The following PCDHGA5 variants were observed in gnomAD, a reference collection of about 807,000 sequenced individuals.
The protein encoded by PCDHGA5 is protocadherin gamma-A5.
Under a neutral mutation model 56.7 loss-of-function variants are expected in PCDHGA5, and 36 were observed. The observed-to-expected ratio is 0.64, with a 90% CI of 0.49 to 0.84. The LOEUF (loss-of-function observed/expected upper bound fraction) is 0.84, where lower values mean the gene tolerates loss of function less well. Among genes scored for constraint, PCDHGA5 ranks in the 40% least tolerant of loss-of-function variants. The pLI, the probability that PCDHGA5 is intolerant of heterozygous loss-of-function variation, is 0.00. For synonymous variants in PCDHGA5, 563 were observed against 520.2 expected (o/e 1.08, Z -1.12); for missense variants, 1,305 against 1,201.5 (o/e 1.09, Z -1.27).
At chr5:141,437,741 C>CT (rs35124340) in intron 1 of PCDHGA5, among the ~76,000 whole-genome samples, 18,734 of 141,656 alleles carry the variant, frequency 0.13, 1,459 homozygotes, top group African/African-American at 0.22. Context: ...TTGAGTTCAC[C>CT]TTTTTTTTTT....
intron 1 of PCDHGA5, chr5:141,417,772 C>G: frequency 6.9e-7 from 1 of 1,456,320 alleles, no homozygotes; most frequent in East Asian, 2.5e-5. Context: ...GGGACTCCTC[C>G]TGTCCTGGGC....
chr5:141,472,980 CAA>C (rs60579131), intron 1 of PCDHGA5, among the ~76,000 whole-genome samples: 879 of 86,072 alleles, frequency 0.01, 5 homozygotes, highest in African/African-American at 0.015. Context: ...GAGTGAAACT[CAA>C]AAAAAAAAAA....
chr5:141,409,292 A>G, intron 1 of PCDHGA5: 1 of 1,614,012 alleles, frequency 6.2e-7, no homozygotes, highest in Admixed American at 1.7e-5. Flanking sequence ...ACCTCCAGGA[A>G]TGGTTGTTGC....
chr5:141,370,845 A>T, intron 1 of PCDHGA5: 1 of 1,614,066 alleles, frequency 6.2e-7, no homozygotes, highest in South Asian at 1.1e-5. Flanking sequence ...CACTGGAGCC[A>T]CATTTGCCCT....
chr5:141,388,402 G>C, intron 1 of PCDHGA5: 1 of 1,613,972 alleles, frequency 6.2e-7, no homozygotes, highest in Non-Finnish European at 8.5e-7. Context: ...TACCAACTCA[G>C]TCCCAGTGAT....
intron 1 of PCDHGA5, chr5:141,421,232 C>G (rs748347420): frequency 1.3e-6 from 2 of 1,590,370 alleles, no homozygotes; most frequent in Non-Finnish European, 1.7e-6. Context: ...CCTGCCATGG[C>G]GAATCGGCTA....
chr5:141,477,037 G>A lies in PCDHGA5; in HGVS notation c.2422-17770G>A. ...TTGTAACCGGGATGCTGACAATCAAGGGTCGGCTGGACTTCGAGGACACCA... is the reference window on the plus strand; with the variant it reads ...TTGTAACCGGGATGCTGACAATCAAAGGTCGGCTGGACTTCGAGGACACCA... On this transcript the variant is annotated intron_variant, in intron 1 of 3. Coordinates refer to ENST00000518069, the MANE Select transcript of PCDHGA5 (RefSeq NM_018918.3). This position sits in a 1 kb window ranked among gnomAD's most constrained non-coding sequence, Gnocchi z 4.9. 6.2e-7 allele frequency: 1 copy of A among 1,614,266 alleles called. No individual in the cohort carries two copies. The highest frequency in any genetic ancestry group is 8.5e-7 in the Non-Finnish European group (1 of 1,180,052).
rs1764404234 is a variant in PCDHGA5 at position 141,366,203 on chromosome 5, G to A, written c.1873G>A (p.Glu625Lys). The part of the protein sequence containing the change: ...GLFAVGLHTG[E>K]VRTARALLDR... ...CTTTGCGGTTGGGCTGCACACGGGC[G>A]AGGTGCGCACAGCGCGAGCCCTGCT... The change falls in exon 1 of 4, where the codon GAG becomes AAG. Residue 625 changes from glutamate (E) to lysine (K), a missense_variant. Transcript: ENST00000518069. The A allele has an allele frequency of 3.7e-6, 6 of 1,613,862 alleles. No individual in the cohort carries two copies. The highest frequency in any genetic ancestry group is 4.5e-5 in the East Asian group (2 of 44,888).
chr5:141,376,675 C>CTT, intron 1 of PCDHGA5: 16 of 345,018 alleles, frequency 4.6e-5, no homozygotes, highest in Non-Finnish European at 6.4e-5. Context: ...GTGAGGGTAT[C>CTT]GTTTTTTTTT....
chr5:141,372,087 C>G, intron 1 of PCDHGA5: 2 of 1,613,740 alleles, frequency 1.2e-6, no homozygotes, highest in Non-Finnish European at 1.7e-6. Flanking sequence ...GGTGCTGTAC[C>G]CAGCTCTGGG....
intron 1 of PCDHGA5, among the ~76,000 whole-genome samples, chr5:141,464,265 AAAAAAAAAAAAAGC>A (rs1446781862): frequency 7.4e-6 from 1 of 135,276 alleles, no homozygotes; most frequent in Non-Finnish European, 1.6e-5. Flanking sequence ...ACTCCGTCTA[AAAAAAAAAAAAAGC>A]AAAAAAAAAA....
chr5:141,485,093 T>C lies in PCDHGA5; in HGVS notation c.2422-9714T>C. 1 of 1,076,296 alleles carries C rather than the reference T, an allele frequency of 9.3e-7. No homozygotes were observed. Among genetic ancestry groups the C allele is most frequent in the Non-Finnish European group, 1.4e-6 (1 of 718,118 alleles). 66.7% of individuals were successfully genotyped at this position (1,076,296 alleles called of 1,614,324 possible). ...TGGCGCGGGGAAAGGGAGATAGGTG[T>C]CTCCAGCTGCTGTGGCTGTTTGGGG... On this transcript the variant is annotated intron_variant, in intron 1 of 3. Coordinates refer to ENST00000518069, the MANE Select transcript of PCDHGA5 (RefSeq NM_018918.3). The surrounding 1 kb of genome is among the most constrained non-coding windows in gnomAD (Gnocchi z 5.7).
In PCDHGA5 at chr5:141,364,596, G is replaced by C. The variant is rs1763432941; in HGVS notation, c.266G>C (p.Arg89Thr). Residue 89 changes from arginine to threonine, a missense_variant, in exon 1 of 4, where the codon AGG becomes ACG. Arg to Thr is a moderately conservative substitution (Grantham distance 71). Transcript: ENST00000518069. Reference protein sequence around the residue: ...PRSGSLVTAGRIDREELCAQS... With the variant: ...PRSGSLVTAGTIDREELCAQS... ...AGCGGCAGCTTGGTCACCGCGGGCA[G>C]GATAGACCGGGAGGAGCTCTGCGCT... 6.2e-7 allele frequency: 1 copy of C among 1,614,090 alleles called. No homozygotes were observed. The highest frequency in any genetic ancestry group is 8.5e-7 in the Non-Finnish European group (1 of 1,180,016).
chr5:141,399,867 C>T (rs766258677), intron 1 of PCDHGA5: 17 of 1,612,738 alleles, frequency 1.1e-5, no homozygotes, highest in South Asian at 3.3e-5. Context: ...CTGCAGAGCC[C>T]GGCTACCTGG....
chr5:141,414,421 A>AGGGAACAG (rs1486483287), intron 1 of PCDHGA5: 1 of 1,613,776 alleles, frequency 6.2e-7, no homozygotes, highest in Non-Finnish European at 8.5e-7. Context: ...AGCCCTTGAC[A>AGGGAACAG]GGGAACAGGT....
intron 1 of PCDHGA5, chr5:141,400,772 G>T: frequency 1.8e-6 from 1 of 570,264 alleles, no homozygotes. Context: ...AAAACATTTG[G>T]TGCGTTTTTT....
intron 1 of PCDHGA5, among the ~76,000 whole-genome samples, chr5:141,464,193 A>C (rs991769179): frequency 1.3e-5 from 2 of 149,674 alleles, no homozygotes; most frequent in Non-Finnish European, 3.0e-5. Flanking sequence ...TGATTTCAGG[A>C]GGCGGAGATT....
In PCDHGA5 at chr5:141,454,516, C is replaced by T. The variant is rs375583922; in HGVS notation, c.2422-40291C>T. On this transcript the variant is annotated intron_variant, in intron 1 of 3. Coordinates refer to ENST00000518069, the MANE Select transcript of PCDHGA5 (RefSeq NM_018918.3). Reference sequence around the variant, plus strand: ...CCACCTCCTGGATTCAGGCAGTTCTCCTGCCTCAGCCTCCCAAGTAGCTGA... The same window carrying T: ...CCACCTCCTGGATTCAGGCAGTTCTTCTGCCTCAGCCTCCCAAGTAGCTGA... Among the ~76,000 whole-genome samples the T allele has an allele frequency of 1.2e-4, 18 of 152,288 alleles. No individual in the cohort carries two copies. In the East Asian group the frequency reaches 3.1e-3, roughly 26 times the overall value.
At chr5:141,494,770 C>A (rs767006872) in intron 1 of PCDHGA5, 37 bp from the exon 2 acceptor site, 14 of 1,613,904 alleles carry the variant, frequency 8.7e-6, no homozygotes, top group Non-Finnish European at 1.1e-5. Flanking sequence ...TAACTTCTCA[C>A]GGGTACTCAG....
Sources: gnomAD v4.1 joint callset for allele counts (sites outside exome capture counted in the v4.1 genomes callset) on GRCh38, gnomAD v4.1.1 for gene constraint, Gnocchi (gnomAD v3.1) non-coding constraint, MANE v1.5 for transcripts, NCBI Gene and HGNC (gene_info 2026-07-23, HGNC 2026-07-21) for gene names.